Variants in CNTNAP4 observed in about 807,000 individuals in gnomAD.
CNTNAP4 encodes contactin associated protein family member 4.
Under a neutral mutation model 148.4 loss-of-function variants are expected in CNTNAP4, and 98 were observed. The observed-to-expected ratio is 0.66, with a 90% CI of 0.56 to 0.78. CNTNAP4 has a LOEUF of 0.78. Among genes scored for constraint, CNTNAP4 ranks in the 30% least tolerant of loss-of-function variants. CNTNAP4 has a pLI of 0.00. For missense variants in CNTNAP4, 1,935 were observed against 1,565.6 expected (o/e 1.24, Z -3.98); for synonymous variants, 730 against 565.1 (o/e 1.29, Z -4.14).
chr16:76,294,359 C>T (rs1037246170), intron 1 of CNTNAP4, among the ~76,000 whole-genome samples: 2 of 152,102 alleles, frequency 1.3e-5, no homozygotes, highest in African/African-American at 4.8e-5. Context: ...CAATAAATAA[C>T]CAGTAATATC....
At chr16:76,299,011 C>G (rs1305880085) in intron 1 of CNTNAP4, among the ~76,000 whole-genome samples, 2 of 152,130 alleles carry the variant, frequency 1.3e-5, no homozygotes, top group Admixed American at 6.6e-5. Flanking sequence ...GGATTAAAGA[C>G]TTAAATGTTA....
chr16:76,450,359 A>G (rs1008599847), intron 7 of CNTNAP4, among the ~76,000 whole-genome samples: 13 of 152,174 alleles, frequency 8.5e-5, no homozygotes, highest in African/African-American at 3.1e-4. Flanking sequence ...CATGTTAGCC[A>G]GGCTGATCTT....
At chr16:76,460,334 C>G (rs1278432494) in intron 8 of CNTNAP4, among the ~76,000 whole-genome samples, 1 of 151,754 alleles carries the variant, frequency 6.6e-6, no homozygotes, top group African/African-American at 2.4e-5. Context: ...GTCTCGAACT[C>G]CCGACCTCAG....
At chr16:76,365,667 G>A (rs76364829) in intron 3 of CNTNAP4, among the ~76,000 whole-genome samples, 21,198 of 149,542 alleles carry the variant, frequency 0.14, 2,128 homozygotes, top group East Asian at 0.48. Context: ...CAGGAGAATT[G>A]CTTGAACCTG....
chr16:76,310,130 C>G (rs1021338004), intron 1 of CNTNAP4, among the ~76,000 whole-genome samples: 4 of 151,974 alleles, frequency 2.6e-5, no homozygotes, highest in African/African-American at 9.7e-5. Flanking sequence ...GCAGACTGGC[C>G]ATTTGCCATT....
intron 1 of CNTNAP4, among the ~76,000 whole-genome samples, chr16:76,292,167 G>A (rs989709767): frequency 1.3e-5 from 2 of 152,132 alleles, no homozygotes; most frequent in Non-Finnish European, 2.9e-5. Context: ...AAATGTCAAT[G>A]TCATGAACTG....
intron 4 of CNTNAP4, among the ~76,000 whole-genome samples, chr16:76,440,844 G>T (rs1414424973): frequency 3.3e-5 from 5 of 152,140 alleles, no homozygotes; most frequent in Admixed American, 6.6e-5. Context: ...TCACTTGGGG[G>T]TGAGGAGGAC....
intron 14 of CNTNAP4, among the ~76,000 whole-genome samples, chr16:76,496,560 A>G (rs1311294302): frequency 1.3e-5 from 2 of 152,162 alleles, no homozygotes; most frequent in East Asian, 1.9e-4. Context: ...CCATGTGTTT[A>G]CAGCAAAGAC....
intron 2 of CNTNAP4, among the ~76,000 whole-genome samples, chr16:76,340,643 G>C (rs1964393410): frequency 6.6e-6 from 1 of 152,118 alleles, no homozygotes; most frequent in Non-Finnish European, 1.5e-5. Flanking sequence ...CATATTTATA[G>C]GGAGTTTCCT....
rs187027777 is a variant in CNTNAP4, at chr16:76,540,697, T to C, written c.3355-6T>C. On this transcript the variant is annotated splice_region_variant and splice_polypyrimidine_tract_variant and intron_variant, in intron 20 of 23. Transcript: ENST00000611870. ...GATGTTTTTATCTTGTGTAATAATT[T>C]TGTAGATTGACGATAATAGAAGGAG... 1.5e-4 allele frequency: 239 copies of C among 1,551,516 alleles called. 1 individual carries two copies. In the African/African-American group the frequency reaches 2.7e-3, roughly 18 times the overall value.
intron 10 of CNTNAP4, among the ~76,000 whole-genome samples, chr16:76,474,531 T>C (rs757781545): frequency 6.6e-6 from 1 of 152,180 alleles, no homozygotes; most frequent in African/African-American, 2.4e-5. Flanking sequence ...AAACGGGAAG[T>C]TCTCATCCTT....
chr16:76,473,240 T>C (rs1166241844), intron 10 of CNTNAP4, among the ~76,000 whole-genome samples: 1 of 152,196 alleles, frequency 6.6e-6, no homozygotes, highest in Non-Finnish European at 1.5e-5. Flanking sequence ...TTTGGTTTCT[T>C]AAAAAGCAGA....
intron 20 of CNTNAP4, 99 bp downstream of exon 20, chr16:76,539,951 C>G (rs2084379495): frequency 3.6e-6 from 3 of 822,110 alleles, no homozygotes; most frequent in Non-Finnish European, 5.6e-6. Flanking sequence ...AGCAGAGACA[C>G]TTTCATTGGT....
intron 3 of CNTNAP4, among the ~76,000 whole-genome samples, chr16:76,376,907 T>TGTGTGTGTGTGTGTGTGTG (rs2015471306): frequency 2.1e-5 from 3 of 143,444 alleles, no homozygotes; most frequent in African/African-American, 7.7e-5. Flanking sequence ...CTAACAAGGT[T>TGTGTGTGTGTGTGTGTGTG]TGTGTGTGTG....
chr16:76,357,347 T>C (rs1273537142), intron 3 of CNTNAP4, among the ~76,000 whole-genome samples: 2 of 152,324 alleles, frequency 1.3e-5, no homozygotes, highest in East Asian at 3.9e-4. Context: ...GGAAAATTGT[T>C]GTACTTCTGT....
intron 2 of CNTNAP4, among the ~76,000 whole-genome samples, chr16:76,336,904 C>G (rs1964072199): frequency 6.6e-6 from 1 of 152,064 alleles, no homozygotes; most frequent in South Asian, 2.1e-4. Flanking sequence ...TCTCAGTGAC[C>G]TCTACTCATG....
intron 21 of CNTNAP4, among the ~76,000 whole-genome samples, chr16:76,546,033 C>CAA (rs34575100): frequency 0.2 from 28,246 of 140,216 alleles, 2,748 homozygotes; most frequent in Non-Finnish European, 0.23. Context: ...GACTCCATTT[C>CAA]AAAAAAAAAA....
intron 2 of CNTNAP4, among the ~76,000 whole-genome samples, chr16:76,339,361 A>G (rs1236366578): frequency 6.6e-6 from 1 of 152,164 alleles, no homozygotes; most frequent in African/African-American, 2.4e-5. Context: ...GGTTATACAT[A>G]GTGTTTAGAT....
chr16:76,439,429 G>A (rs1054032877), intron 4 of CNTNAP4, among the ~76,000 whole-genome samples: 3 of 152,044 alleles, frequency 2.0e-5, no homozygotes, highest in African/African-American at 7.2e-5. Context: ...AGTATGAGAG[G>A]CTGGAATTTT....
Sources: allele counts gnomAD v4.1 joint callset (sites outside exome capture counted in the v4.1 genomes callset), GRCh38; gene constraint gnomAD v4.1.1; transcripts MANE v1.5; gene names NCBI Gene and HGNC (gene_info 2026-07-23, HGNC 2026-07-21).